The following LRMDA variants were observed in gnomAD, a reference collection of about 807,000 sequenced individuals.
The protein encoded by LRMDA is leucine rich melanocyte differentiation associated, also known as leucine-rich melanocyte differentiation-associated protein.
Under a neutral mutation model 29.8 loss-of-function variants are expected in LRMDA, and 18 were observed. The observed-to-expected ratio is 0.60, with a 90% CI of 0.42 to 0.90. The LOEUF (loss-of-function observed/expected upper bound fraction) is 0.90. Ranked by LOEUF, LRMDA falls within the 40% of genes least tolerant of loss-of-function variation. LRMDA has a pLI of 0.00. For missense variants in LRMDA, 273 were observed against 273.9 expected (o/e 1.00, Z 0.02); for synonymous variants, 125 against 109.4 (o/e 1.14, Z -0.89).
chr10:76,168,750 A>C (rs1045048374), intron 5 of LRMDA, among the ~76,000 whole-genome samples: 1 of 152,196 alleles, frequency 6.6e-6, no homozygotes, highest in Non-Finnish European at 1.5e-5. Context: ...TTTACTAAAA[A>C]CAATTGGTAA....
chr10:76,021,755 G>A (rs2132491878), intron 2 of LRMDA, among the ~76,000 whole-genome samples: 1 of 152,328 alleles, frequency 6.6e-6, no homozygotes, highest in Admixed American at 6.5e-5. Context: ...CACCCAGAGA[G>A]AGAAGGAGAG....
chr10:76,342,091 A>G (rs958837324), intron 6 of LRMDA, among the ~76,000 whole-genome samples: 2 of 152,180 alleles, frequency 1.3e-5, no homozygotes, highest in African/African-American at 4.8e-5. Context: ...TACTGACTGG[A>G]TCACAAACAA....
chr10:76,061,336 A>C (rs1848698466), intron 5 of LRMDA, among the ~76,000 whole-genome samples: 1 of 152,190 alleles, frequency 6.6e-6, no homozygotes, highest in African/African-American at 2.4e-5. Context: ...CATGAACACA[A>C]AGAAGGGAAC....
chr10:76,027,785 C>A (rs143414947), intron 2 of LRMDA, among the ~76,000 whole-genome samples: 62 of 152,240 alleles, frequency 4.1e-4, no homozygotes, highest in African/African-American at 1.4e-3. Flanking sequence ...TGTGTGTGTA[C>A]TATATTACAT....
chr10:75,861,787 C>T (rs1019110616), intron 2 of LRMDA, among the ~76,000 whole-genome samples: 2 of 152,124 alleles, frequency 1.3e-5, no homozygotes, highest in African/African-American at 4.8e-5. Flanking sequence ...ATCTAGTTCC[C>T]TTTTATGGTG....
chr10:75,683,877 C>T (rs1414242332), intron 2 of LRMDA, among the ~76,000 whole-genome samples: 1 of 152,254 alleles, frequency 6.6e-6, no homozygotes, highest in Non-Finnish European at 1.5e-5. Flanking sequence ...TCCCTCACCT[C>T]ACAGAGCTGC....
chr10:75,618,137 ATTG>A (rs902622540), intron 2 of LRMDA, among the ~76,000 whole-genome samples: 9 of 152,078 alleles, frequency 5.9e-5, no homozygotes, highest in African/African-American at 2.2e-4. Flanking sequence ...CACCTGCTGT[ATTG>A]TTGTTTAACA....
Position 75,609,015 on chromosome 10 carries a change from A to G in LRMDA, c.131+170521A>G, listed in dbSNP as rs535318478. Among the ~76,000 whole-genome samples, 12 of 152,278 alleles carry G rather than the reference A, an allele frequency of 7.9e-5. No homozygotes were observed. The East Asian group carries it at 9.6e-4, about 12-fold the overall frequency. ...CTGCACGTACTCTCAAAGAGTGTACATCTTCTCATCAGCTCTCCCTAGTTT... is the reference window on the plus strand; with the variant it reads ...CTGCACGTACTCTCAAAGAGTGTACGTCTTCTCATCAGCTCTCCCTAGTTT... On this transcript the variant is annotated intron_variant, in intron 2 of 6. Coordinates refer to ENST00000611255, the MANE Select transcript of LRMDA (RefSeq NM_001305581.2).
chr10:76,380,269 T>A (rs565726484), intron 6 of LRMDA, among the ~76,000 whole-genome samples: 1 of 152,344 alleles, frequency 6.6e-6, no homozygotes, highest in East Asian at 1.9e-4. Flanking sequence ...TTGTTGATTT[T>A]CTGCCTCCAT....
chr10:76,274,239 C>T (rs1310016588), intron 5 of LRMDA, among the ~76,000 whole-genome samples: 4 of 152,124 alleles, frequency 2.6e-5, no homozygotes, highest in Admixed American at 2.6e-4. Context: ...CCCATATTTC[C>T]TCCATTTAGT....
chr10:75,558,316 T>C (rs1840242254), intron 2 of LRMDA, among the ~76,000 whole-genome samples: 1 of 152,080 alleles, frequency 6.6e-6, no homozygotes, highest in Admixed American at 6.6e-5. Context: ...AAGAATGCTA[T>C]TTCCAAGCAC....
chr10:76,083,833 CAAAA>C (rs71024585), intron 5 of LRMDA, among the ~76,000 whole-genome samples: 3 of 116,982 alleles, frequency 2.6e-5, no homozygotes, highest in Non-Finnish European at 3.5e-5. Context: ...GACTGCATCT[CAAAA>C]AAAAAAAAAA....
intron 5 of LRMDA, among the ~76,000 whole-genome samples, chr10:76,130,286 C>T (rs1849963763): frequency 6.6e-6 from 1 of 152,284 alleles, no homozygotes; most frequent in East Asian, 1.9e-4. Context: ...ATGTTGCTAG[C>T]CCATCAAGTT....
intron 2 of LRMDA, among the ~76,000 whole-genome samples, chr10:75,998,983 G>T (rs1442623094): frequency 3.3e-5 from 5 of 152,136 alleles, no homozygotes; most frequent in African/African-American, 9.7e-5. Flanking sequence ...CCATTCACTT[G>T]CTCACTCACC....
intron 2 of LRMDA, among the ~76,000 whole-genome samples, chr10:75,951,914 T>C (rs1413011477): frequency 6.6e-6 from 1 of 152,200 alleles, no homozygotes; most frequent in East Asian, 1.9e-4. Flanking sequence ...CTGGAGGGAC[T>C]TTCTGGGGGA....
At chr10:76,153,787 T>G (rs1462650813) in intron 5 of LRMDA, among the ~76,000 whole-genome samples, 1 of 152,142 alleles carries the variant, frequency 6.6e-6, no homozygotes, top group Non-Finnish European at 1.5e-5. Flanking sequence ...CAATAGAAAT[T>G]TAGTGCTTCC....
chr10:75,707,080 G>A (rs551896029), intron 2 of LRMDA, among the ~76,000 whole-genome samples: 3 of 152,312 alleles, frequency 2.0e-5, no homozygotes, highest in Non-Finnish European at 4.4e-5. Flanking sequence ...TTGGAGATTT[G>A]CAGTAGGCTG....
chr10:75,605,215 A>G (rs541836672), intron 2 of LRMDA, among the ~76,000 whole-genome samples: 2 of 152,354 alleles, frequency 1.3e-5, no homozygotes, highest in South Asian at 4.1e-4. Context: ...CAATTTCTCC[A>G]AGTTTGATTA....
chr10:75,661,437 G>C (rs1351768602), intron 2 of LRMDA, among the ~76,000 whole-genome samples: 1 of 152,146 alleles, frequency 6.6e-6, no homozygotes, highest in Non-Finnish European at 1.5e-5. Flanking sequence ...AGGAGGTCTG[G>C]CTGGGACTTG....
Sources: gnomAD v4.1 joint callset for allele counts (sites outside exome capture counted in the v4.1 genomes callset) on GRCh38, gnomAD v4.1.1 for gene constraint, MANE v1.5 for transcripts, NCBI Gene and HGNC (gene_info 2026-07-23, HGNC 2026-07-21) for gene names.